LGALS12: variants seen among roughly 807,000 people sequenced by gnomAD.
LGALS12 encodes the protein galectin-12.
A neutral mutation model predicts 36.8 loss-of-function variants in LGALS12; 36 were observed. The observed-to-expected ratio is 0.98, with a 90% confidence interval of 0.75 to 1.29. LGALS12 has a LOEUF of 1.29. Among genes scored for constraint, LGALS12 ranks in the 50% most tolerant of loss-of-function variants. LGALS12 has a pLI of 0.00. For synonymous variants in LGALS12, 145 were observed against 155.9 expected (o/e 0.93, Z 0.52); for missense variants, 366 against 394.3 (o/e 0.93, Z 0.61).
At position 63,509,657 on chromosome 11, in the gene LGALS12, G is replaced by C. The variant is rs1008935340; in HGVS notation, c.373-121G>C. On this transcript the variant is annotated intron_variant, in intron 3 of 8. Transcript: ENST00000394618. Reference sequence around the variant, plus strand: ...CTCTGTAAAATGTACCTACCTCATAGAGATGACGTGAAGTTAAGTGAGGCA... The same window carrying C: ...CTCTGTAAAATGTACCTACCTCATACAGATGACGTGAAGTTAAGTGAGGCA... 3.6e-5 allele frequency: 35 copies of C among 970,304 alleles called. No homozygotes were observed. The African/African-American group carries it at 4.7e-4, about 13-fold the overall frequency. 60.1% of individuals were successfully genotyped at this position (970,304 alleles called of 1,614,324 possible).
chr11:63,510,513 G>A lies in LGALS12; in HGVS notation c.531+12G>A, dbSNP rs1047617607. ...ACCCAGCTGGACATGTGAGTTTCTT[G>A]GCAGCAAGGTCTGAGCAGCCACACC... is the stretch of plus-strand genomic sequence containing the variant. On this transcript the variant is annotated intron_variant, in intron 5 of 8. Coordinates refer to ENST00000394618, the MANE Select transcript of LGALS12 (RefSeq NM_033101.4). The A allele has an allele frequency of 6.2e-7, 1 of 1,613,876 alleles. No individual in the cohort carries two copies. Among genetic ancestry groups the A allele is most frequent in the Admixed American group, 1.7e-5 (1 of 60,020 alleles).
chr11:63,506,546 G>A lies in LGALS12; in HGVS notation c.69+19G>A. ...CCACCCGGTGAGTTGTCACTCTAAT[G>A]TGGAACCTCCTCGGTCTCTGGGCTC... On this transcript the variant is annotated intron_variant, in intron 1 of 8. Transcript: ENST00000394618. 5 of 1,614,148 alleles carry A rather than the reference G, an allele frequency of 3.1e-6. No individual in the cohort carries two copies. The highest frequency in any genetic ancestry group is 4.2e-6 in the Non-Finnish European group (5 of 1,180,008).
At chr11:63,506,645 C>A in intron 1 of LGALS12, 118 bp downstream of exon 1, 1 of 1,380,680 alleles carries the variant, frequency 7.2e-7, no homozygotes, top group Non-Finnish European at 1.0e-6. Flanking sequence ...TCTCCCAGCA[C>A]CTGCCCTGGG....
intron 3 of LGALS12, 128 bp downstream of exon 3, chr11:63,509,119 G>A: frequency 1.3e-6 from 1 of 769,424 alleles, no homozygotes; most frequent in Non-Finnish European, 2.1e-6. Flanking sequence ...GAGGACCAAG[G>A]AGCTGCCATG....
chr11:63,509,798 C>G lies in LGALS12; in HGVS notation c.393C>G (p.His131Gln). ...EEVKVSVNGQ[H>Q]FLHFRYRLPL... ...TCCAGGTGAGTGTGAATGGACAGCA[C>G]TTTCTCCACTTCCGCTACCGGCTCC... Residue 131 changes from histidine to glutamine, a missense_variant, in exon 4 of 9, where the codon CAC becomes CAG. Transcript: ENST00000394618. 6.2e-7 allele frequency: 1 copy of G among 1,614,188 alleles called. No homozygotes were observed. The highest frequency in any genetic ancestry group is 1.1e-5 in the South Asian group (1 of 91,088).
rs1428977775 is a variant in LGALS12 at position 63,516,306 on chromosome 11, G to A, written c.858G>A (p.Gly286=). ...TGGCGCTCAATGGGCAGGGGCTGGG[G>A]GCCACCAGCATGAACCAGCAGGCCC... ...LKLALNGQGL[G]ATSMNQQALE... The change falls in exon 9 of 9, where the codon GGG becomes GGA. Residue 286 remains glycine, a synonymous_variant. Coordinates refer to ENST00000394618, the MANE Select transcript of LGALS12 (RefSeq NM_033101.4). 8.1e-6 allele frequency: 13 copies of A among 1,612,206 alleles called. No homozygotes were observed. Among genetic ancestry groups the A allele is most frequent in the Non-Finnish European group, 1.1e-5 (13 of 1,179,196 alleles).
intron 6 of LGALS12, among the ~76,000 whole-genome samples, chr11:63,511,516 G>A (rs547168707): frequency 6.6e-6 from 1 of 152,204 alleles, no homozygotes; most frequent in South Asian, 2.1e-4. Context: ...GCAGTGAAGG[G>A]AGAAGGACAT....
Position 63,516,582 on chromosome 11 carries a change from G to C in LGALS12, c.*189G>C, listed in dbSNP as rs3781603. On this transcript the variant is annotated 3_prime_UTR_variant, in exon 9 of 9. Transcript: ENST00000394618. Reference sequence around the variant, plus strand: ...AGGCACAAGAGTGCAAAGGTTCCTCGAACTCTGCACCTTCCTCCACCAGGA... The same window carrying C: ...AGGCACAAGAGTGCAAAGGTTCCTCCAACTCTGCACCTTCCTCCACCAGGA... The C allele has an allele frequency of 0.24, 157,281 of 655,152 alleles. 25,497 individuals carry two copies. Among genetic ancestry groups the C allele is most frequent in the African/African-American group, 0.68 (37,186 of 54,702 alleles). 40.6% of individuals were successfully genotyped at this position (655,152 alleles called of 1,614,324 possible).
intron 7 of LGALS12, 116 bp from the exon 8 acceptor site, chr11:63,515,447 G>A (rs2017049274): frequency 8.3e-7 from 1 of 1,203,414 alleles, no homozygotes; most frequent in African/African-American, 1.5e-5. Flanking sequence ...GTTTCTGGAG[G>A]CTGAAGCAGC....
Position 63,516,512 on chromosome 11 carries a change from C to T in LGALS12, c.*119C>T. 1 of 1,217,208 alleles carries T rather than the reference C, an allele frequency of 8.2e-7. No individual in the cohort carries two copies. Among genetic ancestry groups the T allele is most frequent in the Non-Finnish European group, 1.2e-6 (1 of 850,508 alleles). The allele number at this position is 1,217,208 out of a possible 1,614,324, so 75.4% of individuals were successfully genotyped here. A position where few individuals can be genotyped will look rare whatever the true frequency, so the allele number is the denominator to read the frequency against. On this transcript the variant is annotated 3_prime_UTR_variant, in exon 9 of 9. Coordinates refer to ENST00000394618, the MANE Select transcript of LGALS12 (RefSeq NM_033101.4). ...CCAGCACATCAGGCCTGGTTCACCT[C>T]TGGGGTCACGAGACTGAGTCTACAG...
chr11:63,507,693 G>A lies in LGALS12; in HGVS notation c.70-860G>A, dbSNP rs142589064. ...AGAAAAGGCAGGAAGTTGTAAAACT[G>A]TATGATGTATTTTAGGAAGGCCAGG... On this transcript the variant is annotated intron_variant, in intron 1 of 8. Transcript: ENST00000394618. Among the ~76,000 whole-genome samples the A allele has an allele frequency of 4.5e-3, 594 of 132,932 alleles. 3 individuals are homozygous for A. The highest frequency in any genetic ancestry group is 0.016 in the African/African-American group (567 of 36,530). 87.2% of individuals were successfully genotyped at this position (132,932 alleles called of 152,430 possible). A position where few individuals can be genotyped will look rare whatever the true frequency, so the allele number is the denominator to read the frequency against.
At chr11:63,515,470 C>G in intron 7 of LGALS12, 93 bp from the exon 8 acceptor site, 1 of 1,456,320 alleles carries the variant, frequency 6.9e-7, no homozygotes, top group Non-Finnish European at 9.4e-7. Flanking sequence ...AACCTTCCAT[C>G]CACTCCCTGA....
In LGALS12 at chr11:63,511,760, C is replaced by T; in HGVS notation, c.567C>T (p.Pro189=). 1 of 1,613,140 alleles carries T rather than the reference C, an allele frequency of 6.2e-7. No individual in the cohort carries two copies. The highest frequency in any genetic ancestry group is 8.5e-7 in the Non-Finnish European group (1 of 1,179,370). Residue 189 remains proline (P), a synonymous_variant, in exon 7 of 9, where the codon CCC becomes CCT. Transcript: ENST00000394618. ...CTCCCTTGTTCCTTCAGGAGGTGCC[C>T]TGCTCACATGCTCTTCCCCAGGGTC... ...FLLMSPRLEV[P]CSHALPQGLS...
In LGALS12 at chr11:63,508,773, A is replaced by G; in HGVS notation, c.159-5A>G. 2 of 1,614,142 alleles carry G rather than the reference A, an allele frequency of 1.2e-6. No individual in the cohort carries two copies. Among genetic ancestry groups the G allele is most frequent in the South Asian group, 2.2e-5 (2 of 91,090 alleles). ...CCGCACTTTGAGAGCCTCACCTCCC[A>G]GTAGGTTTCAGGTGGACTTCCAGTG... is the stretch of plus-strand genomic sequence containing the variant. On this transcript the variant is annotated splice_polypyrimidine_tract_variant and splice_region_variant and intron_variant, in intron 2 of 8. Transcript: ENST00000394618.
chr11:63,508,088 G>C (rs1484473741), intron 1 of LGALS12: 1 of 1,006,258 alleles, frequency 9.9e-7, no homozygotes, highest in Non-Finnish European at 1.2e-6. Context: ...CCATTGTTAA[G>C]TGCCTCTCCA....
At chr11:63,506,596 C>T (rs1339452979) in intron 1 of LGALS12, 69 bp downstream of exon 1, 1 of 1,592,478 alleles carries the variant, frequency 6.3e-7, no homozygotes, top group Admixed American at 1.7e-5. Context: ...GGCCCACACT[C>T]CTGGGTGGTG....
In LGALS12 at chr11:63,515,861, C is replaced by T. The variant is rs2017066553; in HGVS notation, c.798+148C>T. The T allele has an allele frequency of 1.5e-5, 12 of 803,474 alleles. No homozygotes were observed. In the Middle Eastern group the frequency reaches 7.4e-4, roughly 49 times the overall value. The allele number at this position is 803,474 out of a possible 1,614,324, so 49.8% of individuals were successfully genotyped here. On this transcript the variant is annotated intron_variant, in intron 8 of 8. Coordinates refer to ENST00000394618, the MANE Select transcript of LGALS12 (RefSeq NM_033101.4). ...CAGCAGAGCACAGCGAATGTCTGTA[C>T]AGCAGTCCTCAACGCTCCACTCTGA...
At chr11:63,510,677 T>C (rs2016891575) in intron 5 of LGALS12, among the ~76,000 whole-genome samples, 176 bp downstream of exon 5, 1 of 152,198 alleles carries the variant, frequency 6.6e-6, no homozygotes. Context: ...CCAGCCCCTC[T>C]CCAGGCCCAG....
In LGALS12 at chr11:63,515,674, C is replaced by G; in HGVS notation, c.759C>G (p.Ile253Met). 1 of 1,614,224 alleles carries G rather than the reference C, an allele frequency of 6.2e-7. No individual in the cohort carries two copies. The highest frequency in any genetic ancestry group is 8.5e-7 in the Non-Finnish European group (1 of 1,180,024). ...CCCGCTGGGGGCAGAAGAAACTGAT[C>G]TCAGCCCCCTTCCTCTTTTACCCCC... The part of the protein sequence containing the change: ...WISRWGQKKL[I>M]SAPFLFYPQR... The change falls in exon 8 of 9, where the codon ATC (isoleucine) becomes ATG (methionine). Residue 253 changes from isoleucine (I) to methionine (M), a missense_variant. By Grantham distance (10) the Ile-to-Met change is conservative (BLOSUM62 1). Coordinates refer to ENST00000394618, the MANE Select transcript of LGALS12 (RefSeq NM_033101.4).
Sources: allele counts gnomAD v4.1 joint callset (sites outside exome capture counted in the v4.1 genomes callset), GRCh38; gene constraint gnomAD v4.1.1; transcripts MANE v1.5; gene names NCBI Gene and HGNC (gene_info 2026-07-23, HGNC 2026-07-21).